CAMTA2: variants seen among roughly 807,000 people sequenced by gnomAD.
CAMTA2 encodes calmodulin binding transcription activator 2, also known as calmodulin-binding transcription activator 2.
CAMTA2 carries 56 observed loss-of-function variants against 135.7 expected under a neutral mutation model. The observed-to-expected ratio is 0.41, with a 90% CI of 0.33 to 0.52. The LOEUF is 0.52. Ranked by LOEUF, CAMTA2 falls within the 20% of genes least tolerant of loss-of-function variation. CAMTA2 has a pLI of 0.16. For missense variants in CAMTA2, 1,358 were observed against 1,553.4 expected, an observed-to-expected ratio of 0.87 and a Z score of 2.11; for synonymous variants, 591 against 604.6, an observed-to-expected ratio of 0.98 and a Z score of 0.33.
intron 13 of CAMTA2, 49 bp downstream of exon 13, chr17:4,973,536 A>C (rs1972432584): frequency 6.5e-7 from 1 of 1,548,782 alleles, no homozygotes. Context: ...GTCCCCTGAC[A>C]CTTCTGTCCC....
At chr17:4,971,263 T>C (rs1346728056) in intron 16 of CAMTA2, among the ~76,000 whole-genome samples, 1 of 152,224 alleles carries the variant, frequency 6.6e-6, no homozygotes, top group African/African-American at 2.4e-5. Flanking sequence ...AACTCCCAGC[T>C]GCCCTCCGTC....
chr17:4,972,942 C>G lies in CAMTA2; in HGVS notation c.2330G>C (p.Arg777Pro). ...GHLEAAVLLF[R>P]WNRQALSIPD... ...AATGCTCAGTGCCTGTCGGTTCCAA[C>G]GGAAAAGGAGCACAGCAGCTTCCAG... The change falls in exon 15 of 23, where the codon CGT (arginine) becomes CCT (proline). Residue 777 changes from arginine to proline, a missense_variant. Transcript: ENST00000348066. The G allele has an allele frequency of 6.2e-7, 1 of 1,613,628 alleles. No homozygotes were observed.
At position 4,981,785 on chromosome 17, in the gene CAMTA2, T is replaced by C. The variant is rs749342445; in HGVS notation, c.458A>G (p.Glu153Gly). ...GGGGCTGCAGCCCTTTCCACAGTCC[T>C]CCAGGGCTGGGACGTTCAGGTAGTG... ...LVHYLNVPAL[E>G]DCGKGCSPIF... The change falls in exon 7 of 23, where the codon GAG becomes GGG. Residue 153 changes from glutamate to glycine, a missense_variant. Around this residue, in one of 4 missense-constraint regions of CAMTA2, gnomAD observed 1,077 missense variants for 1,127.5 expected, o/e 0.96. Transcript: ENST00000348066. 6.2e-7 allele frequency: 1 copy of C among 1,613,052 alleles called. No individual in the cohort carries two copies. Among genetic ancestry groups the C allele is most frequent in the South Asian group, 1.1e-5 (1 of 90,978 alleles).
chr17:4,986,312 G>A (rs1280573207), intron 1 of CAMTA2, 26 bp from the exon 2 acceptor site: 1 of 909,864 alleles, frequency 1.1e-6, no homozygotes, highest in East Asian at 2.4e-5. Flanking sequence ...ACAAGGTCAT[G>A]GCAGAAGCCC....
rs1284984079 is a variant in CAMTA2 at position 4,968,902 on chromosome 17, A to G, written c.3545+5T>C. On this transcript the variant is annotated splice_donor_5th_base_variant and intron_variant, in intron 22 of 22. Transcript: ENST00000348066. ...CAAAAGCCCAGGGGGAGAAGGGATG[A>G]GTACCTGTGTCGGCAGCGCCGCAGG... 1.2e-6 allele frequency: 2 copies of G among 1,614,058 alleles called. No individual in the cohort carries two copies. Among genetic ancestry groups the G allele is most frequent in the East Asian group, 4.5e-5 (2 of 44,884 alleles).
intron 3 of CAMTA2, 132 bp from the exon 4 acceptor site, chr17:4,983,175 G>C: frequency 2.8e-6 from 2 of 715,388 alleles, no homozygotes; most frequent in Non-Finnish European, 5.1e-6. Flanking sequence ...TAGGTATCTG[G>C]ACCCAGCAAG....
In CAMTA2 at chr17:4,970,415, C is replaced by G; in HGVS notation, c.2930G>C (p.Gly977Ala). The change falls in exon 17 of 23, where the codon GGG becomes GCG. Residue 977 changes from glycine to alanine, a missense_variant. Gly to Ala is a moderately conservative substitution (Grantham distance 60, BLOSUM62 0). Around this residue, in one of 4 missense-constraint regions of CAMTA2, gnomAD observed 1,077 missense variants for 1,127.5 expected, o/e 0.96. Transcript: ENST00000348066. ...ASMRERTGAV[G>A]LSETMSWLAS... is the part of the protein sequence containing the mutation. ...CAGCCAGGACATGGTCTCACTGAGC[C>G]CCACAGCCCCTGTCCGCTCCCGCAT... 1 of 1,614,174 alleles carries G rather than the reference C, an allele frequency of 6.2e-7. No homozygotes were observed. Among genetic ancestry groups the G allele is most frequent in the Non-Finnish European group, 8.5e-7 (1 of 1,180,036 alleles).
chr17:4,986,574 G>T (rs772719998), intron 1 of CAMTA2: 25 of 513,386 alleles, frequency 4.9e-5, no homozygotes, highest in Non-Finnish European at 6.2e-5. Context: ...CCTAAACCTT[G>T]AGCTTTTGCA....
Position 4,987,675 on chromosome 17 carries a change from T to C in CAMTA2, c.-147A>G. The C allele has an allele frequency of 6.6e-7, 1 of 1,506,508 alleles. No individual in the cohort carries two copies. The highest frequency in any genetic ancestry group is 8.9e-7 in the Non-Finnish European group (1 of 1,127,476). The allele number at this position is 1,506,508 out of a possible 1,614,324, so 93.3% of individuals were successfully genotyped here. On this transcript the variant is annotated 5_prime_UTR_variant, in exon 1 of 23. Transcript: ENST00000348066. Reference sequence around the variant, plus strand: ...CCCAGCGCCGGCTGACAGCGGCGTCTAACGTCACTGCGCACGGGGCGGGGC... The same window carrying C: ...CCCAGCGCCGGCTGACAGCGGCGTCCAACGTCACTGCGCACGGGGCGGGGC...
intron 5 of CAMTA2, 132 bp downstream of exon 5, chr17:4,982,625 G>T: frequency 1.0e-6 from 1 of 984,820 alleles, no homozygotes; most frequent in Non-Finnish European, 1.5e-6. Flanking sequence ...GACCCAAAGT[G>T]AGTGAGAAGG....
chr17:4,986,664 G>T (rs1973338981), intron 1 of CAMTA2: 3 of 533,410 alleles, frequency 5.6e-6, no homozygotes, highest in Non-Finnish European at 9.9e-6. Context: ...TTTGGCAAGA[G>T]AGCCTGGATC....
Position 4,986,237 on chromosome 17 carries a change from G to T in CAMTA2, c.-15C>A. The T allele has an allele frequency of 1.9e-6, 3 of 1,608,724 alleles. No individual in the cohort carries two copies. Among genetic ancestry groups the T allele is most frequent in the East Asian group, 2.2e-5 (1 of 44,866 alleles). ...TTGGTATTCATGGTGAGGGCTCCAG[G>T]GGGCAAGGTCACCCCCGGCCTGAGG... On this transcript the variant is annotated 5_prime_UTR_variant, in exon 2 of 23. Coordinates refer to ENST00000348066, the MANE Select transcript of CAMTA2 (RefSeq NM_015099.4).
rs544607275 is a variant in CAMTA2 at position 4,980,898 on chromosome 17, T to C, written c.701-277A>G. On this transcript the variant is annotated intron_variant, in intron 8 of 22. Coordinates refer to ENST00000348066, the MANE Select transcript of CAMTA2 (RefSeq NM_015099.4). This position sits in a 1 kb window ranked among gnomAD's most constrained non-coding sequence, Gnocchi z 5.3. The stretch of plus-strand genomic sequence containing the variant: ...TAGCTAAAAGCAAAAGTTAAAGGCA[T>C]AGGAAAAGGACAAAAGAACAGAACC... Among the ~76,000 whole-genome samples the C allele has an allele frequency of 8.2e-4, 125 of 151,694 alleles. No individual in the cohort carries two copies. The highest frequency in any genetic ancestry group is 1.4e-3 in the Non-Finnish European group (96 of 67,910).
intron 11 of CAMTA2, among the ~76,000 whole-genome samples, chr17:4,976,390 A>G (rs1223756264): frequency 6.6e-6 from 1 of 152,322 alleles, no homozygotes; most frequent in Non-Finnish European, 1.5e-5. Context: ...AAAAGGAAAA[A>G]CAATAGAAAT....
At chr17:4,970,248 C>T (rs1972195288) in intron 17 of CAMTA2, 92 bp downstream of exon 17, 1 of 1,500,246 alleles carries the variant, frequency 6.7e-7, no homozygotes, top group Non-Finnish European at 9.2e-7. Context: ...GGGCCTCAGC[C>T]AGAATGGAGC....
chr17:4,979,080 C>T (rs1201717395), intron 9 of CAMTA2, among the ~76,000 whole-genome samples: 1 of 152,222 alleles, frequency 6.6e-6, no homozygotes, highest in African/African-American at 2.4e-5. Flanking sequence ...TTCCCTACCC[C>T]TGAAAACAGT....
At chr17:4,972,634 T>C in intron 15 of CAMTA2, 98 bp from the exon 16 acceptor site, 1 of 1,464,668 alleles carries the variant, frequency 6.8e-7, no homozygotes, top group Non-Finnish European at 9.5e-7. Context: ...CCCCGTCTGT[T>C]CTTGCTTCTG....
intron 3 of CAMTA2, 51 bp downstream of exon 3, chr17:4,985,828 CT>C: frequency 2.5e-6 from 3 of 1,177,448 alleles, no homozygotes; most frequent in Non-Finnish European, 3.8e-6. Context: ...ACTCACCCTC[CT>C]CCAGCCTACT....
rs1972044165 is a variant in CAMTA2 at position 4,968,468 on chromosome 17, G to A, written c.*288C>T. The A allele has an allele frequency of 5.4e-6, 3 of 553,782 alleles. No individual in the cohort carries two copies. In the South Asian group the frequency reaches 6.8e-5, roughly 12 times the overall value. The allele number at this position is 553,782 out of a possible 1,614,324, so 34.3% of individuals were successfully genotyped here. A position where few individuals can be genotyped will look rare whatever the true frequency, so the allele number is the denominator to read the frequency against. ...GGGCCGAGTCGGGTGCAGGCAGGAGGAGCTGGGGAGCAGGGGCAGGCAGGG... is the reference window on the plus strand; with the variant it reads ...GGGCCGAGTCGGGTGCAGGCAGGAGAAGCTGGGGAGCAGGGGCAGGCAGGG... On this transcript the variant is annotated 3_prime_UTR_variant, in exon 23 of 23. Transcript: ENST00000348066.
Sources: gnomAD v4.1 joint callset for allele counts (sites outside exome capture counted in the v4.1 genomes callset) on GRCh38, gnomAD v4.1.1 for gene constraint, gnomAD v4.1.1 regional missense constraint, Gnocchi (gnomAD v3.1) non-coding constraint, MANE v1.5 for transcripts, NCBI Gene and HGNC (gene_info 2026-07-23, HGNC 2026-07-21) for gene names.